The following AMD1 variants were observed in gnomAD, a reference collection of about 807,000 sequenced individuals.
AMD1 encodes the protein S-adenosylmethionine decarboxylase proenzyme.
Under a neutral mutation model 40.2 loss-of-function variants are expected in AMD1, and 11 were observed. That is an observed-to-expected ratio of 0.27 (90% confidence interval 0.17 to 0.45). The LOEUF (loss-of-function observed/expected upper bound fraction) is 0.45. Among genes scored for constraint, AMD1 ranks in the 20% least tolerant of loss-of-function variants. AMD1 has a pLI of 1.00. For missense variants in AMD1, 257 were observed against 410.2 expected (o/e 0.63, Z 3.23); for synonymous variants, 121 against 130.8 (o/e 0.93, Z 0.51).
At position 110,892,732 on chromosome 6, in the gene AMD1, C is replaced by G; in HGVS notation, c.616-3C>G. 1 of 1,612,054 alleles carries G rather than the reference C, an allele frequency of 6.2e-7. No individual in the cohort carries two copies. The highest frequency in any genetic ancestry group is 8.5e-7 in the Non-Finnish European group (1 of 1,179,182). On this transcript the variant is annotated splice_region_variant and splice_polypyrimidine_tract_variant and intron_variant, in intron 6 of 8. Coordinates refer to ENST00000368885, the MANE Select transcript of AMD1 (RefSeq NM_001634.6). Reference sequence around the variant, plus strand: ...GTTAAACTCGGTCTTTTTCCCCCCCCAGGAGAGTGGAATTCGTGACCTGAT... The same window carrying G: ...GTTAAACTCGGTCTTTTTCCCCCCCGAGGAGAGTGGAATTCGTGACCTGAT...
chr6:110,837,310 T>C, the AMD1 span, among the ~76,000 whole-genome samples: 1 of 100,954 alleles, frequency 9.9e-6, no homozygotes, highest in African/African-American at 3.6e-5. Context: ...TATTTAAAAC[T>C]AAAAAAAAAA....
chr6:110,892,079 C>G, intron 4 of AMD1, 82 bp from the exon 5 acceptor site: 2 of 1,461,816 alleles, frequency 1.4e-6, no homozygotes, highest in South Asian at 2.3e-5. Context: ...TAGTATCATT[C>G]TGCTTATTGT....
the AMD1 span, among the ~76,000 whole-genome samples, chr6:110,821,951 A>C: frequency 6.6e-6 from 1 of 152,238 alleles, no homozygotes; most frequent in Admixed American, 6.5e-5. Context: ...CTAGCAGAAG[A>C]GCAGAAATAA....
chr6:110,831,043 GCT>G, the AMD1 span, among the ~76,000 whole-genome samples: 1 of 151,968 alleles, frequency 6.6e-6, no homozygotes, highest in Non-Finnish European at 1.5e-5. Context: ...AATTCGTTTT[GCT>G]CTGTTATTTT....
intron 4 of AMD1, among the ~76,000 whole-genome samples, 172 bp downstream of exon 4, chr6:110,890,528 C>T (rs1785954649): frequency 1.3e-5 from 2 of 152,120 alleles, no homozygotes; most frequent in South Asian, 2.1e-4. Context: ...CATTCTGTCA[C>T]CCATGCTGGT....
the AMD1 span, among the ~76,000 whole-genome samples, chr6:110,860,509 C>A: frequency 4.0e-5 from 6 of 151,630 alleles, no homozygotes; most frequent in South Asian, 2.1e-4. Flanking sequence ...TAAAAAAAAA[C>A]ACACACATAC....
chr6:110,865,911 T>C, the AMD1 span, among the ~76,000 whole-genome samples: 1 of 151,904 alleles, frequency 6.6e-6, no homozygotes, highest in East Asian at 1.9e-4. Flanking sequence ...TACAGGTTCC[T>C]GCCACCATGC....
At chr6:110,821,513 C>T in the AMD1 span, among the ~76,000 whole-genome samples, 1 of 152,076 alleles carries the variant, frequency 6.6e-6, no homozygotes, top group Non-Finnish European at 1.5e-5. Flanking sequence ...ACTTGGGAGG[C>T]TGAGGCGGGA....
the AMD1 span, among the ~76,000 whole-genome samples, chr6:110,827,546 C>T: frequency 6.6e-6 from 1 of 152,056 alleles, no homozygotes; most frequent in Non-Finnish European, 1.5e-5. Flanking sequence ...GGGTGGATCA[C>T]CTGGCGTCAG....
chr6:110,840,758 G>A, the AMD1 span, among the ~76,000 whole-genome samples: 1 of 150,792 alleles, frequency 6.6e-6, no homozygotes, highest in East Asian at 2.0e-4. Flanking sequence ...TTGGGGGGGT[G>A]GGGGAAGATT....
chr6:110,868,387 G>A, the AMD1 span, among the ~76,000 whole-genome samples: 1 of 151,976 alleles, frequency 6.6e-6, no homozygotes, highest in Admixed American at 6.6e-5. Context: ...CTGACCTCAT[G>A]ATCTGCCTGC....
At chr6:110,838,501 T>C in the AMD1 span, among the ~76,000 whole-genome samples, 1 of 152,164 alleles carries the variant, frequency 6.6e-6, no homozygotes, top group Admixed American at 6.6e-5. Context: ...CTTTTCCATC[T>C]ATATTAGGTC....
the AMD1 span, among the ~76,000 whole-genome samples, chr6:110,868,285 C>T: frequency 4.0e-5 from 6 of 151,692 alleles, no homozygotes; most frequent in African/African-American, 1.5e-4. Flanking sequence ...GTAGCGGGGA[C>T]TACAGGCGCT....
At chr6:110,816,430 C>T in the AMD1 span, among the ~76,000 whole-genome samples, 27 of 152,210 alleles carry the variant, frequency 1.8e-4, no homozygotes, top group Admixed American at 5.2e-4. Flanking sequence ...TGAAGGAGTC[C>T]AGAATATGCC....
chr6:110,837,584 G>A, the AMD1 span, among the ~76,000 whole-genome samples: 2 of 150,284 alleles, frequency 1.3e-5, no homozygotes, highest in South Asian at 4.2e-4. Context: ...GATGGCAGGT[G>A]CCTGTAATCC....
Position 110,893,899 on chromosome 6 carries a change from T to G in AMD1, c.*283T>G, listed in dbSNP as rs1786171835. Reference sequence around the variant, plus strand: ...AAAAACCTTTTACTATATGAAACTTTACAACACTTGTGAAAGCAACTCAAT... The same window carrying G: ...AAAAACCTTTTACTATATGAAACTTGACAACACTTGTGAAAGCAACTCAAT... On this transcript the variant is annotated 3_prime_UTR_variant, in exon 9 of 9. Coordinates refer to ENST00000368885, the MANE Select transcript of AMD1 (RefSeq NM_001634.6). 5.8e-6 allele frequency: 2 copies of G among 344,224 alleles called. No homozygotes were observed. Among genetic ancestry groups the G allele is most frequent in the South Asian group, 3.4e-5 (1 of 29,564 alleles). 21.3% of individuals were successfully genotyped at this position (344,224 alleles called of 1,614,324 possible).
intron 3 of AMD1, 130 bp from the exon 4 acceptor site, chr6:110,890,124 A>G (rs1463642698): frequency 4.6e-6 from 3 of 658,260 alleles, no homozygotes; most frequent in Non-Finnish European, 7.6e-6. Flanking sequence ...TACCATGCCA[A>G]GCTAAAATAT....
At chr6:110,848,756 A>C in the AMD1 span, 1 of 256,454 alleles carries the variant, frequency 3.9e-6, no homozygotes, top group South Asian at 4.8e-5. Flanking sequence ...TAAAGCCTGC[A>C]ATCTCCACAC....
chr6:110,852,856 TTAAG>T, the AMD1 span, among the ~76,000 whole-genome samples: 83 of 152,304 alleles, frequency 5.4e-4, no homozygotes, highest in Non-Finnish European at 1.1e-3. Context: ...AATTAGTTAA[TTAAG>T]TAGTTCTAAA....
Sources: allele counts gnomAD v4.1 joint callset (sites outside exome capture counted in the v4.1 genomes callset), GRCh38; gene constraint gnomAD v4.1.1; transcripts MANE v1.5; gene names NCBI Gene and HGNC (gene_info 2026-07-23, HGNC 2026-07-21).